PCDH9: variants seen among roughly 807,000 people sequenced by gnomAD.
PCDH9 encodes the protein protocadherin-9.
PCDH9 carries 24 observed loss-of-function variants against 70.6 expected under a neutral mutation model. The ratio of observed to expected loss-of-function variants is 0.34; its 90% confidence interval spans 0.25 to 0.48. The LOEUF is 0.48. Among genes scored for constraint, PCDH9 ranks in the 20% least tolerant of loss-of-function variants. PCDH9 has a pLI of 0.99. For synonymous variants in PCDH9, 562 were observed against 558.5 expected (o/e 1.01, Z -0.09); for missense variants, 1,281 against 1,503.6 (o/e 0.85, Z 2.45).
chr13:67,115,567 G>C (rs1162356152), intron 2 of PCDH9, among the ~76,000 whole-genome samples: 1 of 152,168 alleles, frequency 6.6e-6, no homozygotes, highest in Non-Finnish European at 1.5e-5. Flanking sequence ...TCCAGTAGTG[G>C]AACACTAATG....
chr13:66,892,764 A>G (rs950679031), intron 3 of PCDH9, among the ~76,000 whole-genome samples: 3 of 152,118 alleles, frequency 2.0e-5, no homozygotes, highest in African/African-American at 7.2e-5. Context: ...TGCTGGGCAT[A>G]TATTATTGAA....
In PCDH9 at chr13:66,599,923, G is replaced by A. The variant is rs142435819; in HGVS notation, c.3340+31287C>T. The stretch of plus-strand genomic sequence containing the variant: ...TTTATTATGGGAGATTTCAGAATTG[G>A]GTCTCATTTTAAATGTTTAATAATG... On this transcript the variant is annotated intron_variant, in intron 4 of 4. Coordinates refer to ENST00000377865, the MANE Select transcript of PCDH9 (RefSeq NM_203487.3). 7.9e-5 allele frequency among the ~76,000 whole-genome samples: 12 copies of A among 151,644 alleles called. No homozygotes were observed. In the East Asian group the frequency reaches 2.0e-3, roughly 25 times the overall value.
intron 4 of PCDH9, among the ~76,000 whole-genome samples, chr13:66,391,883 CAT>C (rs140840857): frequency 1.0e-4 from 15 of 143,238 alleles, no homozygotes; most frequent in East Asian, 2.0e-4. Context: ...GCCATATATG[CAT>C]ATATATATAT....
intron 4 of PCDH9, among the ~76,000 whole-genome samples, chr13:66,596,604 T>C (rs1358890462): frequency 6.6e-6 from 1 of 151,740 alleles, no homozygotes; most frequent in East Asian, 1.9e-4. Context: ...CATAATTAAA[T>C]GGATGCATCA....
At chr13:67,068,137 T>C (rs1336845326) in intron 2 of PCDH9, among the ~76,000 whole-genome samples, 1 of 152,106 alleles carries the variant, frequency 6.6e-6, no homozygotes, top group Non-Finnish European at 1.5e-5. Flanking sequence ...AGCAATAGTG[T>C]TAATAAGATC....
chr13:66,811,177 T>A (rs1180354255), intron 3 of PCDH9, among the ~76,000 whole-genome samples: 1 of 152,210 alleles, frequency 6.6e-6, no homozygotes, highest in Non-Finnish European at 1.5e-5. Context: ...TACCAAGATA[T>A]TAAGAATGCT....
intron 2 of PCDH9, among the ~76,000 whole-genome samples, chr13:67,190,804 AC>A (rs2088889992): frequency 6.6e-6 from 1 of 152,090 alleles, no homozygotes; most frequent in Non-Finnish European, 1.5e-5. Flanking sequence ...CAGAAAGAAT[AC>A]GCATTGCCTG....
At chr13:66,531,251 T>C (rs1157324580) in intron 4 of PCDH9, among the ~76,000 whole-genome samples, 1 of 152,026 alleles carries the variant, frequency 6.6e-6, no homozygotes, top group Non-Finnish European at 1.5e-5. Context: ...TCTCCGATAA[T>C]AGATAGCTCC....
At chr13:67,179,979 A>G (rs954758726) in intron 2 of PCDH9, among the ~76,000 whole-genome samples, 2 of 152,148 alleles carry the variant, frequency 1.3e-5, no homozygotes, top group Non-Finnish European at 2.9e-5. Flanking sequence ...GGTAACTCCA[A>G]CCTAAAGTTT....
chr13:66,660,589 T>C (rs2077994940), intron 3 of PCDH9, among the ~76,000 whole-genome samples: 1 of 152,182 alleles, frequency 6.6e-6, no homozygotes, highest in African/African-American at 2.4e-5. Context: ...AAATTCTAAG[T>C]AGAGCAGTAG....
At chr13:66,472,703 C>T (rs1036919080) in intron 4 of PCDH9, among the ~76,000 whole-genome samples, 4 of 152,198 alleles carry the variant, frequency 2.6e-5, no homozygotes, top group East Asian at 1.9e-4. Flanking sequence ...CTTTGAAAAT[C>T]GTTTTTTTCC....
At chr13:67,082,192 G>A (rs570929031) in intron 2 of PCDH9, among the ~76,000 whole-genome samples, 10 of 152,044 alleles carry the variant, frequency 6.6e-5, no homozygotes, top group African/African-American at 1.9e-4. Flanking sequence ...AAATGTCTAC[G>A]GTTTAGTCAT....
intron 3 of PCDH9, 122 bp from the exon 4 acceptor site, chr13:66,631,533 T>C (rs1021007418): frequency 9.8e-6 from 6 of 615,238 alleles, no homozygotes; most frequent in Admixed American, 5.5e-5. Context: ...TAAACCAAAC[T>C]AGGAACAAAG....
At chr13:66,744,156 CT>C (rs1566164970) in intron 3 of PCDH9, among the ~76,000 whole-genome samples, 1 of 152,210 alleles carries the variant, frequency 6.6e-6, no homozygotes, top group Non-Finnish European at 1.5e-5. Flanking sequence ...TGTCTCCACA[CT>C]TCCAAAACTA....
chr13:66,798,839 A>C (rs928408467), intron 3 of PCDH9, among the ~76,000 whole-genome samples: 4 of 151,764 alleles, frequency 2.6e-5, no homozygotes, highest in Non-Finnish European at 5.9e-5. Flanking sequence ...TTTTTGAGAC[A>C]CAGTCTCACT....
intron 4 of PCDH9, among the ~76,000 whole-genome samples, chr13:66,378,151 C>T (rs906847017): frequency 6.6e-6 from 1 of 152,126 alleles, no homozygotes; most frequent in Non-Finnish European, 1.5e-5. Flanking sequence ...TGCCGAAAAG[C>T]CCTGAGGATG....
At chr13:66,842,002 G>T (rs2081123959) in intron 3 of PCDH9, among the ~76,000 whole-genome samples, 1 of 152,150 alleles carries the variant, frequency 6.6e-6, no homozygotes, top group African/African-American at 2.4e-5. Flanking sequence ...TGAGGGGAGG[G>T]AGAATCTAGC....
At chr13:66,572,196 C>T (rs1307821047) in intron 4 of PCDH9, among the ~76,000 whole-genome samples, 1 of 152,110 alleles carries the variant, frequency 6.6e-6, no homozygotes, top group African/African-American at 2.4e-5. Flanking sequence ...CCACCACTAT[C>T]AAACATTGAT....
chr13:66,392,206 T>C (rs922070319), intron 4 of PCDH9, among the ~76,000 whole-genome samples: 2 of 151,834 alleles, frequency 1.3e-5, no homozygotes, highest in Admixed American at 1.3e-4. Flanking sequence ...AAAATATGTA[T>C]TTTTTTAAAG....
Sources: allele counts gnomAD v4.1 joint callset (sites outside exome capture counted in the v4.1 genomes callset), GRCh38; gene constraint gnomAD v4.1.1; transcripts MANE v1.5; gene names NCBI Gene and HGNC (gene_info 2026-07-23, HGNC 2026-07-21).